Variants in DHX9 observed in about 807,000 individuals in gnomAD.
DHX9 encodes the protein ATP-dependent RNA helicase A.
Under a neutral mutation model 148.7 loss-of-function variants are expected in DHX9, and 27 were observed. The observed-to-expected ratio is 0.18, with a 90% CI of 0.13 to 0.25. The LOEUF (loss-of-function observed/expected upper bound fraction) is 0.25. Ranked by LOEUF, DHX9 falls within the 10% of genes least tolerant of loss-of-function variation. The pLI, the probability that DHX9 is intolerant of heterozygous loss-of-function variation, is 1.00. For synonymous variants in DHX9, 529 were observed against 516.6 expected, an observed-to-expected ratio of 1.02 and a Z score of -0.33; for missense variants, 796 against 1,559.6, an observed-to-expected ratio of 0.51 and a Z score of 8.25.
At position 182,887,602 on chromosome 1, in the gene DHX9, AT is replaced by A. The variant is rs1280721226; in HGVS notation, c.*172del. On this transcript the variant is annotated 3_prime_UTR_variant, in exon 28 of 28. Coordinates refer to ENST00000367549, the MANE Select transcript of DHX9 (RefSeq NM_001357.5). ...AACCAAGCATATAGATGCATTAGTG[AT>A]TTTGTTTATATTATGTAAAATATAA... 1.7e-6 allele frequency: 1 copy of A among 594,552 alleles called. No individual in the cohort carries two copies. The highest frequency in any genetic ancestry group is 2.8e-5 in the East Asian group (1 of 35,704). 36.8% of individuals were successfully genotyped at this position (594,552 alleles called of 1,614,324 possible). A position where few individuals can be genotyped will look rare whatever the true frequency, so the allele number is the denominator to read the frequency against.
intron 27 of DHX9, among the ~76,000 whole-genome samples, chr1:182,886,678 T>C (rs1019530402): frequency 2.6e-5 from 4 of 152,218 alleles, no homozygotes; most frequent in African/African-American, 9.7e-5. Context: ...ATTTAGGCAT[T>C]ATTACCAAGG....
At chr1:182,874,546 A>G (rs1648678492) in intron 15 of DHX9, among the ~76,000 whole-genome samples, 1 of 152,202 alleles carries the variant, frequency 6.6e-6, no homozygotes, top group African/African-American at 2.4e-5. Context: ...ACTTCTTTCC[A>G]TGTATAACTC....
chr1:182,850,160 A>G (rs1388976533), intron 3 of DHX9, among the ~76,000 whole-genome samples: 1 of 151,986 alleles, frequency 6.6e-6, no homozygotes, highest in Non-Finnish European at 1.5e-5. Flanking sequence ...CATATCCTTA[A>G]GTATTAAGTA....
At chr1:182,870,434 CAGTG>C (rs904575308) in intron 14 of DHX9, among the ~76,000 whole-genome samples, 1 of 152,112 alleles carries the variant, frequency 6.6e-6, no homozygotes, top group Admixed American at 6.5e-5. Context: ...ATAATCGAGA[CAGTG>C]AGGTACATGA....
chr1:182,841,127 T>TA (rs1240120342), intron 1 of DHX9, among the ~76,000 whole-genome samples: 2 of 152,102 alleles, frequency 1.3e-5, no homozygotes, highest in East Asian at 3.9e-4. Flanking sequence ...CCGTGTCTAC[T>TA]AAAAATACAA....
At chr1:182,883,837 G>C (rs1649198308) in intron 26 of DHX9, among the ~76,000 whole-genome samples, 1 of 136,434 alleles carries the variant, frequency 7.3e-6, no homozygotes, top group Non-Finnish European at 1.5e-5. Context: ...CACCACTATG[G>C]AATCAGAATC....
At chr1:182,853,656 C>A (rs1018375283) in intron 5 of DHX9, among the ~76,000 whole-genome samples, 4 of 152,028 alleles carry the variant, frequency 2.6e-5, no homozygotes, top group African/African-American at 9.7e-5. Flanking sequence ...AAAAAGATCT[C>A]CTCTTCAGCT....
intron 20 of DHX9, 34 bp from the exon 21 acceptor site, chr1:182,879,216 G>A: frequency 2.1e-6 from 3 of 1,433,160 alleles, no homozygotes; most frequent in Non-Finnish European, 2.8e-6. Flanking sequence ...GTATACACAA[G>A]GAGGATGGTT....
At chr1:182,878,727 T>C (rs1648940070) in intron 20 of DHX9, among the ~76,000 whole-genome samples, 1 of 152,250 alleles carries the variant, frequency 6.6e-6, no homozygotes, top group Admixed American at 6.5e-5. Context: ...CGGGCATCCC[T>C]AATCTGAAAA....
At chr1:182,862,517 T>TA (rs893472369) in intron 12 of DHX9, among the ~76,000 whole-genome samples, 12 of 152,222 alleles carry the variant, frequency 7.9e-5, no homozygotes, top group Admixed American at 7.2e-4. Context: ...ATCCTGTACT[T>TA]ACCCCATAGT....
chr1:182,878,251 C>T, intron 20 of DHX9, 78 bp downstream of exon 20: 1 of 1,494,250 alleles, frequency 6.7e-7, no homozygotes, highest in Non-Finnish European at 9.1e-7. Flanking sequence ...GTTATGTAAA[C>T]CTGCCAATAT....
chr1:182,887,049 CT>C (rs747047041), intron 27 of DHX9, 33 bp from the exon 28 acceptor site: 11 of 1,579,304 alleles, frequency 7.0e-6, no homozygotes, highest in Non-Finnish European at 8.7e-6. Flanking sequence ...AATAAGAATG[CT>C]TTGCTAAAGT....
chr1:182,863,318 A>T, intron 12 of DHX9, among the ~76,000 whole-genome samples: 1 of 152,196 alleles, frequency 6.6e-6, no homozygotes, highest in East Asian at 1.9e-4. Flanking sequence ...ACCTTTTTGA[A>T]CTTGTGTTTT....
intron 8 of DHX9, 139 bp from the exon 9 acceptor site, chr1:182,858,412 A>C (rs903293794): frequency 1.9e-6 from 2 of 1,054,658 alleles, no homozygotes; most frequent in Non-Finnish European, 2.8e-6. Context: ...GTGAGTAAAT[A>C]ATCATTGAAG....
rs141125444 is a variant in DHX9 at position 182,849,314 on chromosome 1, T to C, written c.253-2919T>C. 5.5e-3 allele frequency among the ~76,000 whole-genome samples: 841 copies of C among 152,364 alleles called. 11 individuals carry two copies. Among genetic ancestry groups the C allele is most frequent in the African/African-American group, 0.019 (803 of 41,590 alleles). On this transcript the variant is annotated intron_variant, in intron 3 of 27. Transcript: ENST00000367549. Reference sequence around the variant, plus strand: ...CAACACTTTCAATTTTACTCATTTCTAACTACTCCCCTTTCTTAGATTATT... The same window carrying C: ...CAACACTTTCAATTTTACTCATTTCCAACTACTCCCCTTTCTTAGATTATT...
chr1:182,847,209 A>G (rs1339017710), intron 3 of DHX9, among the ~76,000 whole-genome samples: 1 of 152,188 alleles, frequency 6.6e-6, no homozygotes, highest in African/African-American at 2.4e-5. Flanking sequence ...GAGTCATCTC[A>G]GGGTTGGATT....
In DHX9 at chr1:182,862,600, G is replaced by T. The variant is rs180680369; in HGVS notation, c.1332+2416G>T. On this transcript the variant is annotated intron_variant, in intron 12 of 27. Coordinates refer to ENST00000367549, the MANE Select transcript of DHX9 (RefSeq NM_001357.5). ...AACCTTAGAAGATAGAGATAGTGGA[G>T]CCTGATACATTTTGTAGTATCTAGT... 6.5e-4 allele frequency among the ~76,000 whole-genome samples: 99 copies of T among 152,290 alleles called. 1 individual carries two copies. Among genetic ancestry groups the T allele is most frequent in the African/African-American group, 2.0e-3 (83 of 41,558 alleles).
At chr1:182,874,084 G>A (rs937820171) in intron 15 of DHX9, among the ~76,000 whole-genome samples, 3 of 152,214 alleles carry the variant, frequency 2.0e-5, no homozygotes, top group African/African-American at 4.8e-5. Flanking sequence ...ATAGTGACAA[G>A]TGCCTCTTAC....
intron 10 of DHX9, 71 bp downstream of exon 10, chr1:182,858,965 C>A: frequency 1.2e-6 from 2 of 1,609,470 alleles, no homozygotes; most frequent in South Asian, 1.1e-5. Context: ...ATTAGTATGT[C>A]TAGGTAAAAA....
Sources: gnomAD v4.1 joint callset for allele counts (sites outside exome capture counted in the v4.1 genomes callset) on GRCh38, gnomAD v4.1.1 for gene constraint, MANE v1.5 for transcripts, NCBI Gene and HGNC (gene_info 2026-07-23, HGNC 2026-07-21) for gene names.